Variants in NAA25 observed in about 807,000 individuals in gnomAD.
NAA25 encodes the protein N-alpha-acetyltransferase 25, NatB auxiliary subunit.
A neutral mutation model predicts 132.5 loss-of-function variants in NAA25; 30 were observed. The observed-to-expected ratio is 0.23, with a 90% CI of 0.17 to 0.31. The LOEUF (loss-of-function observed/expected upper bound fraction) is 0.31. Ranked by LOEUF, NAA25 falls within the 10% of genes least tolerant of loss-of-function variation. The pLI, the probability that NAA25 is intolerant of heterozygous loss-of-function variation, is 1.00. For missense variants in NAA25, 771 were observed against 1,150.4 expected (o/e 0.67, Z 4.77); for synonymous variants, 359 against 401.9 (o/e 0.89, Z 1.28).
intron 2 of NAA25, among the ~76,000 whole-genome samples, chr12:112,092,400 G>A (rs367602890): frequency 1.0e-3 from 156 of 152,282 alleles, no homozygotes; most frequent in African/African-American, 3.6e-3. Context: ...TGAGGCAGGA[G>A]GATCACCTGA....
At position 112,081,143 on chromosome 12, in the gene NAA25, G is replaced by C; in HGVS notation, c.403-9C>G. On this transcript the variant is annotated splice_polypyrimidine_tract_variant and intron_variant, in intron 4 of 23. Transcript: ENST00000261745. ...TATAGAGCCATGCCAGCCTAAAAGA[G>C]AACCATAAATATTTTATTTAGAAAA... 1 of 1,604,190 alleles carries C rather than the reference G, an allele frequency of 6.2e-7. No individual in the cohort carries two copies. The highest frequency in any genetic ancestry group is 8.5e-7 in the Non-Finnish European group (1 of 1,172,134).
intron 1 of NAA25, among the ~76,000 whole-genome samples, chr12:112,107,455 G>T (rs909265399): frequency 1.3e-5 from 2 of 151,868 alleles, no homozygotes; most frequent in Admixed American, 6.6e-5. Context: ...TTGAGAATGG[G>T]TGAAGATTAT....
At position 112,074,765 on chromosome 12, in the gene NAA25, CTA is replaced by C; in HGVS notation, c.777-3_777-2del. 1 of 1,602,348 alleles carries C rather than the reference CTA, an allele frequency of 6.2e-7. No homozygotes were observed. Among genetic ancestry groups the C allele is most frequent in the Non-Finnish European group, 8.5e-7 (1 of 1,171,946 alleles). On this transcript the variant is annotated splice_acceptor_variant and splice_polypyrimidine_tract_variant and intron_variant, in intron 8 of 23. Transcript: ENST00000261745. LOFTEE classifies it high-confidence loss of function. Reference sequence around the variant, plus strand: ...CAGATAGAACTGCCAGTCATCTGAGCTAAAATCAGATTGAATGATGCACACAG... The same window carrying C: ...CAGATAGAACTGCCAGTCATCTGAGCAAATCAGATTGAATGATGCACACAG...
At chr12:112,062,054 G>A (rs888980348) in intron 11 of NAA25, among the ~76,000 whole-genome samples, 4 of 151,966 alleles carry the variant, frequency 2.6e-5, no homozygotes, top group African/African-American at 9.7e-5. Flanking sequence ...TTAAATACAC[G>A]CTTATTTCCT....
chr12:112,088,981 A>G (rs1025054538), intron 3 of NAA25, among the ~76,000 whole-genome samples: 1 of 152,186 alleles, frequency 6.6e-6, no homozygotes, highest in East Asian at 1.9e-4. Context: ...CATGCCACCA[A>G]TATTTGTGGA....
At chr12:112,102,547 C>A (rs1004944081) in intron 1 of NAA25, among the ~76,000 whole-genome samples, 2 of 152,148 alleles carry the variant, frequency 1.3e-5, no homozygotes, top group African/African-American at 4.8e-5. Context: ...TTGAATTATT[C>A]AGCTAAGACA....
chr12:112,071,975 T>C lies in NAA25; in HGVS notation c.956A>G (p.His319Arg). The C allele has an allele frequency of 3.1e-6, 5 of 1,614,132 alleles. No homozygotes were observed. Among genetic ancestry groups the C allele is most frequent in the Non-Finnish European group, 4.2e-6 (5 of 1,179,988 alleles). The change falls in exon 10 of 24, where the codon CAT becomes CGT. Residue 319 changes from histidine (H) to arginine (R), a missense_variant. His to Arg is a conservative substitution (Grantham distance 29). This residue lies in a region of NAA25 where 417 missense variants were observed against 733.8 expected (regional missense o/e 0.57). Coordinates refer to ENST00000261745, the MANE Select transcript of NAA25 (RefSeq NM_024953.4). ...TTTAGCTAGATGTGGTCCTCGGAGA[T>C]GGCGAGAACTTTTAGATTCTTCCGT... ...RITEESKSSR[H>R]LRGPHLAKLE...
intron 9 of NAA25, among the ~76,000 whole-genome samples, chr12:112,074,242 G>A (rs1189419968): frequency 6.7e-6 from 1 of 149,888 alleles, no homozygotes; most frequent in Non-Finnish European, 1.5e-5. Context: ...TCGGGAAGCT[G>A]AGGCAGGAGA....
Position 112,092,101 on chromosome 12 carries a change from C to T in NAA25, c.144+950G>A, listed in dbSNP as rs183284701. Reference sequence around the variant, plus strand: ...TAAAAATACAAAAAAATTAGCCGGGCGTGGTAGGACGCGCCTGTAGTCCCA... The same window carrying T: ...TAAAAATACAAAAAAATTAGCCGGGTGTGGTAGGACGCGCCTGTAGTCCCA... On this transcript the variant is annotated intron_variant, in intron 2 of 23. Coordinates refer to ENST00000261745, the MANE Select transcript of NAA25 (RefSeq NM_024953.4). Among the ~76,000 whole-genome samples the T allele has an allele frequency of 1.9e-3, 284 of 151,646 alleles. 1 individual carries two copies. Among genetic ancestry groups the T allele is most frequent in the Middle Eastern group, 6.8e-3 (2 of 294 alleles).
chr12:112,072,739 G>A (rs2078832998), intron 9 of NAA25, among the ~76,000 whole-genome samples: 1 of 152,034 alleles, frequency 6.6e-6, no homozygotes, highest in Non-Finnish European at 1.5e-5. Context: ...ATGAGTTTGA[G>A]ACCAGCCTAG....
chr12:112,099,048 A>G (rs1045500390), intron 1 of NAA25, among the ~76,000 whole-genome samples: 78 of 150,924 alleles, frequency 5.2e-4, no homozygotes, highest in African/African-American at 1.9e-3. Flanking sequence ...GTGCAGTGGC[A>G]TGATCTCGAT....
In NAA25 at chr12:112,040,483, C is replaced by A; in HGVS notation, c.2536G>T (p.Glu846Ter). The stretch of plus-strand genomic sequence containing the variant: ...TTAGGAAGAGAACAAAAACTTACCT[C>A]AACAAAGAAAACTAGATTTTCTAAA... ...TLLENLVFFV[E>*]TISVILWVSS... The change falls in exon 21 of 24, where the codon GAG (glutamate) becomes TAG (stop). Residue 846 changes from glutamate to a stop codon, truncating the protein, a stop_gained and splice_region_variant. Transcript: ENST00000261745. LOFTEE classifies it high-confidence loss of function. The A allele has an allele frequency of 6.4e-7, 1 of 1,566,692 alleles. No individual in the cohort carries two copies. The highest frequency in any genetic ancestry group is 8.8e-7 in the Non-Finnish European group (1 of 1,142,684).
chr12:112,040,363 C>T, intron 21 of NAA25, 118 bp downstream of exon 21: 1 of 552,504 alleles, frequency 1.8e-6, no homozygotes, highest in Non-Finnish European at 3.2e-6. Flanking sequence ...TTAACAAAAA[C>T]AGGGATGGAG....
intron 5 of NAA25, among the ~76,000 whole-genome samples, chr12:112,079,181 A>G (rs774779239): frequency 3.3e-5 from 5 of 152,228 alleles, no homozygotes; most frequent in Non-Finnish European, 7.3e-5. Context: ...ATTGGTAACA[A>G]CAATTAACAC....
chr12:112,105,917 T>C (rs1441702457), intron 1 of NAA25, among the ~76,000 whole-genome samples: 1 of 152,214 alleles, frequency 6.6e-6, no homozygotes, highest in Admixed American at 6.5e-5. Context: ...TGCTGATAGT[T>C]GTTGAATTTT....
chr12:112,083,365 C>T (rs1042495077), intron 4 of NAA25, among the ~76,000 whole-genome samples: 12 of 151,894 alleles, frequency 7.9e-5, no homozygotes, highest in South Asian at 2.1e-4. Context: ...ATTAACTGGG[C>T]GTGGTGGTGG....
At position 112,029,326 on chromosome 12, in the gene NAA25, G is replaced by T. The variant is rs997737196; in HGVS notation, c.*205C>A. The T allele has an allele frequency of 1.4e-6, 1 of 730,120 alleles. No homozygotes were observed. The allele number at this position is 730,120 out of a possible 1,614,324, so 45.2% of individuals were successfully genotyped here. ...CATGTATAAAAAGTGGTCAAACCCAGATGAGGGTCCCGCTTCTGGTTTATA... is the reference window on the plus strand; with the variant it reads ...CATGTATAAAAAGTGGTCAAACCCATATGAGGGTCCCGCTTCTGGTTTATA... On this transcript the variant is annotated 3_prime_UTR_variant, in exon 24 of 24. Coordinates refer to ENST00000261745, the MANE Select transcript of NAA25 (RefSeq NM_024953.4).
chr12:112,065,497 C>CAAAAAAAAAAA (rs78423050), intron 11 of NAA25: 1 of 114,752 alleles, frequency 8.7e-6, no homozygotes. Context: ...GAAACTGTCT[C>CAAAAAAAAAAA]AAAAAAAAAA....
At chr12:112,099,947 T>C (rs1006381177) in intron 1 of NAA25, among the ~76,000 whole-genome samples, 1 of 152,144 alleles carries the variant, frequency 6.6e-6, no homozygotes, top group Admixed American at 6.6e-5. Context: ...AAACGCTAAA[T>C]AGAAGAGAGC....
Sources: allele counts gnomAD v4.1 joint callset (sites outside exome capture counted in the v4.1 genomes callset), GRCh38; gene constraint gnomAD v4.1.1; regional missense constraint gnomAD v4.1.1; transcripts MANE v1.5; gene names NCBI Gene and HGNC (gene_info 2026-07-23, HGNC 2026-07-21).